The following TTLL11 variants were observed in gnomAD, a reference collection of about 807,000 sequenced individuals.
TTLL11 encodes tubulin tyrosine ligase like 11.
A neutral mutation model predicts 51.7 loss-of-function variants in TTLL11; 42 were observed. The observed-to-expected ratio is 0.81, with a 90% CI of 0.64 to 1.05. The LOEUF is 1.05. Among genes scored for constraint, TTLL11 ranks in the 50% least tolerant of loss-of-function variants. TTLL11 has a pLI of 0.00. For missense variants in TTLL11, 799 were observed against 940.4 expected (o/e 0.85, Z 1.97); for synonymous variants, 381 against 383.5 (o/e 0.99, Z 0.08).
intron 6 of TTLL11, among the ~76,000 whole-genome samples, chr9:121,884,295 C>T (rs1021882223): frequency 8.2e-5 from 12 of 146,716 alleles, no homozygotes; most frequent in African/African-American, 2.2e-4. Context: ...CCGACTCACC[C>T]GGTGGGAGCC....
At chr9:121,971,071 G>T (rs1842538817) in intron 6 of TTLL11, among the ~76,000 whole-genome samples, 1 of 145,094 alleles carries the variant, frequency 6.9e-6, no homozygotes. Context: ...GGGAGGTGGG[G>T]GGGTCAGCCC....
At chr9:121,968,239 A>G (rs1210160694) in intron 6 of TTLL11, among the ~76,000 whole-genome samples, 4 of 152,230 alleles carry the variant, frequency 2.6e-5, no homozygotes, top group Admixed American at 1.3e-4. Flanking sequence ...AAGAAAATCA[A>G]TTGAGTCACT....
At chr9:121,842,605 G>A (rs1311294929) in intron 8 of TTLL11, among the ~76,000 whole-genome samples, 1 of 152,216 alleles carries the variant, frequency 6.6e-6, no homozygotes, top group Non-Finnish European at 1.5e-5. Flanking sequence ...TCAGTAAGAT[G>A]AATAAGGTGA....
chr9:121,851,892 C>T (rs116630182), intron 8 of TTLL11, among the ~76,000 whole-genome samples: 2,704 of 152,258 alleles, frequency 0.018, 80 homozygotes, highest in African/African-American at 0.061. Context: ...TTGTTGTTAA[C>T]GCCAGGCTTA....
chr9:121,904,273 T>C (rs1244814999), intron 6 of TTLL11, among the ~76,000 whole-genome samples: 1 of 150,716 alleles, frequency 6.6e-6, no homozygotes, highest in Non-Finnish European at 1.5e-5. Flanking sequence ...GCCTCCCGGG[T>C]TCAAGCCATT....
At chr9:121,899,355 ATGTG>A (rs141125928) in intron 6 of TTLL11, among the ~76,000 whole-genome samples, 2 of 138,902 alleles carry the variant, frequency 1.4e-5, no homozygotes, top group African/African-American at 5.5e-5. Context: ...GTGTGTGTGT[ATGTG>A]TGTGTGTATA....
rs147244304 is a variant in TTLL11 at position 122,057,182 on chromosome 9, T to C, written c.463-17814A>G. 4.8e-3 allele frequency among the ~76,000 whole-genome samples: 738 copies of C among 152,268 alleles called. 3 individuals are homozygous for C. Among genetic ancestry groups the C allele is most frequent in the African/African-American group, 0.015 (623 of 41,540 alleles). ...AGGGAGGATGGCATTTTACTGCCTG[T>C]AGATTTAAATCGGTGAATAAATTCC... is the stretch of plus-strand genomic sequence containing the variant. On this transcript the variant is annotated intron_variant, in intron 1 of 8. Coordinates refer to ENST00000321582, the MANE Select transcript of TTLL11 (RefSeq NM_001139442.2).
rs1040721045 is a variant in TTLL11, at chr9:121,818,327, G to A, written c.*4260C>T. Reference sequence around the variant, plus strand: ...GGGAGCCAACAAGGCAGCCGGGAATGTAGAGGTGTTCAGCGGATCGGCTTG... The same window carrying A: ...GGGAGCCAACAAGGCAGCCGGGAATATAGAGGTGTTCAGCGGATCGGCTTG... On this transcript the variant is annotated 3_prime_UTR_variant, in exon 9 of 9. Coordinates refer to ENST00000321582, the MANE Select transcript of TTLL11 (RefSeq NM_001139442.2). 2.0e-5 allele frequency: 3 copies of A among 152,342 alleles called. No individual in the cohort carries two copies. The highest frequency in any genetic ancestry group is 7.2e-5 in the African/African-American group (3 of 41,472). The allele number at this position is 152,342 out of a possible 1,614,324, so 9.4% of individuals were successfully genotyped here.
At chr9:121,976,812 G>T (rs1842723694) in intron 4 of TTLL11, among the ~76,000 whole-genome samples, 1 of 152,156 alleles carries the variant, frequency 6.6e-6, no homozygotes, top group Non-Finnish European at 1.5e-5. Flanking sequence ...TGAAAAGAAA[G>T]AAATGGAAAT....
intron 3 of TTLL11, among the ~76,000 whole-genome samples, chr9:122,031,079 C>T (rs573985628): frequency 6.6e-6 from 1 of 152,316 alleles, no homozygotes; most frequent in Non-Finnish European, 1.5e-5. Context: ...AGTTATGGGA[C>T]AGACTGTGAA....
At chr9:121,930,468 C>T (rs1432445662) in intron 6 of TTLL11, among the ~76,000 whole-genome samples, 6 of 152,162 alleles carry the variant, frequency 3.9e-5, no homozygotes, top group African/African-American at 9.7e-5. Context: ...AAACCGTGAC[C>T]CACATCTTAA....
At chr9:122,032,603 G>A (rs981771519) in intron 2 of TTLL11, among the ~76,000 whole-genome samples, 3 of 148,788 alleles carry the variant, frequency 2.0e-5, no homozygotes, top group Admixed American at 6.7e-5. Context: ...AGCCAAGATC[G>A]AGCCACTGCA....
chr9:122,033,498 T>C (rs893814264), intron 2 of TTLL11, among the ~76,000 whole-genome samples: 3 of 152,212 alleles, frequency 2.0e-5, no homozygotes, highest in South Asian at 4.1e-4. Context: ...AACAGTTCCA[T>C]TACTGATACT....
At chr9:122,035,246 G>A (rs906094630) in intron 2 of TTLL11, among the ~76,000 whole-genome samples, 2 of 152,134 alleles carry the variant, frequency 1.3e-5, no homozygotes. Context: ...TCCTTTTGAG[G>A]TTGACTGCCC....
At chr9:121,866,533 G>A (rs1420590163) in intron 7 of TTLL11, among the ~76,000 whole-genome samples, 1 of 151,740 alleles carries the variant, frequency 6.6e-6, no homozygotes, top group Non-Finnish European at 1.5e-5. Context: ...GGTGGTGGGC[G>A]CCTGTAGTCC....
intron 1 of TTLL11, among the ~76,000 whole-genome samples, chr9:122,084,638 A>G (rs1436515456): frequency 1.3e-5 from 2 of 152,214 alleles, no homozygotes; most frequent in Non-Finnish European, 2.9e-5. Context: ...AAATTTAATT[A>G]AGATGTCATA....
chr9:122,017,551 C>G (rs1244539095), intron 3 of TTLL11, among the ~76,000 whole-genome samples: 1 of 150,414 alleles, frequency 6.6e-6, no homozygotes, highest in Non-Finnish European at 1.5e-5. Context: ...CAACCTCCGT[C>G]TTCCTGTTTC....
chr9:122,026,437 CAA>C (rs59569615), intron 3 of TTLL11, among the ~76,000 whole-genome samples: 6,194 of 74,574 alleles, frequency 0.083, 143 homozygotes, highest in African/African-American at 0.12. Flanking sequence ...GACTCCATTT[CAA>C]AAAAAAAAAA....
At chr9:121,952,582 G>A (rs1321644455) in intron 6 of TTLL11, among the ~76,000 whole-genome samples, 1 of 152,032 alleles carries the variant, frequency 6.6e-6, no homozygotes, top group African/African-American at 2.4e-5. Flanking sequence ...AGTTCTTTCA[G>A]CATGAGAGGA....
Sources: gnomAD v4.1 joint callset for allele counts (sites outside exome capture counted in the v4.1 genomes callset) on GRCh38, gnomAD v4.1.1 for gene constraint, MANE v1.5 for transcripts, NCBI Gene and HGNC (gene_info 2026-07-23, HGNC 2026-07-21) for gene names.